Variants in INPP4B observed in about 807,000 individuals in gnomAD.
The protein encoded by INPP4B is inositol polyphosphate-4-phosphatase type II B.
INPP4B carries 55 observed loss-of-function variants against 122.5 expected under a neutral mutation model. The ratio of observed to expected loss-of-function variants is 0.45; its 90% CI spans 0.36 to 0.56. The LOEUF is 0.56. INPP4B is among the 20% of genes least tolerant of loss of function. INPP4B has a pLI of 0.00. For synonymous variants in INPP4B, 403 were observed against 388.7 expected (o/e 1.04, Z -0.43); for missense variants, 1,000 against 1,097.7 (o/e 0.91, Z 1.26).
chr4:142,604,021 A>G (rs1740663746), intron 2 of INPP4B, among the ~76,000 whole-genome samples: 1 of 152,126 alleles, frequency 6.6e-6, no homozygotes. Flanking sequence ...TCTAGAAGAT[A>G]ATACAACATG....
chr4:142,569,041 T>G (rs1732239927), intron 2 of INPP4B, among the ~76,000 whole-genome samples: 1 of 152,138 alleles, frequency 6.6e-6, no homozygotes, highest in Admixed American at 6.6e-5. Context: ...ATTAACAAAT[T>G]ACTTAAATAT....
chr4:142,086,956 A>G (rs336321), intron 23 of INPP4B, among the ~76,000 whole-genome samples: 97,974 of 152,040 alleles, frequency 0.64, 33,485 homozygotes, highest in Non-Finnish European at 0.76. Flanking sequence ...TATTAAATTG[A>G]ACAACTCAGG....
At chr4:142,334,372 T>C in intron 7 of INPP4B, among the ~76,000 whole-genome samples, 1 of 152,214 alleles carries the variant, frequency 6.6e-6, no homozygotes, top group East Asian at 1.9e-4. Context: ...ATTGTTTCCC[T>C]GTCTTGGGTT....
chr4:142,436,836 A>C (rs1810639135), intron 3 of INPP4B, among the ~76,000 whole-genome samples: 1 of 152,012 alleles, frequency 6.6e-6, no homozygotes, highest in Non-Finnish European at 1.5e-5. Flanking sequence ...GAAAACCCCA[A>C]AGGCCAGAGT....
At chr4:142,396,126 C>T (rs1012660570) in intron 7 of INPP4B, among the ~76,000 whole-genome samples, 1 of 151,876 alleles carries the variant, frequency 6.6e-6, no homozygotes, top group Admixed American at 6.6e-5. Context: ...TGGACTTAAT[C>T]AGAATTAAAA....
intron 2 of INPP4B, among the ~76,000 whole-genome samples, chr4:142,497,812 C>A (rs1327682427): frequency 6.6e-6 from 1 of 152,114 alleles, no homozygotes; most frequent in Non-Finnish European, 1.5e-5. Context: ...CTGCCACCTG[C>A]AAAATGCCAT....
At chr4:142,480,475 C>A (rs955785917) in intron 2 of INPP4B, among the ~76,000 whole-genome samples, 3 of 152,076 alleles carry the variant, frequency 2.0e-5, no homozygotes, top group Non-Finnish European at 2.9e-5. Context: ...ACTTTACAGG[C>A]CATGTCTGTA....
At chr4:142,600,488 G>A (rs1739672836) in intron 2 of INPP4B, among the ~76,000 whole-genome samples, 1 of 152,118 alleles carries the variant, frequency 6.6e-6, no homozygotes, top group African/African-American at 2.4e-5. Context: ...AAACTTGGAA[G>A]TTAAAGGATA....
chr4:142,601,635 C>G (rs1739949663), intron 2 of INPP4B, among the ~76,000 whole-genome samples: 1 of 148,802 alleles, frequency 6.7e-6, no homozygotes, highest in Non-Finnish European at 1.5e-5. Context: ...TAATGATGCA[C>G]CTCAAGGAAT....
chr4:142,239,507 A>C (rs1477166249), intron 11 of INPP4B, among the ~76,000 whole-genome samples: 1 of 152,168 alleles, frequency 6.6e-6, no homozygotes, highest in African/African-American at 2.4e-5. Flanking sequence ...TTTAGAGTTC[A>C]TTATCTTTAC....
chr4:142,774,388 G>T lies in INPP4B; in HGVS notation c.-253-48487C>A, dbSNP rs564381542. Among the ~76,000 whole-genome samples, 8 of 152,142 alleles carry T rather than the reference G, an allele frequency of 5.3e-5. No homozygotes were observed. The South Asian group carries it at 6.2e-4, about 12-fold the overall frequency. On this transcript the variant is annotated intron_variant, in intron 1 of 25. Coordinates refer to ENST00000262992, the MANE Select transcript of INPP4B (RefSeq NM_001101669.3). ...GGTAGTGCTGCAATCCTCTCCAAAGGCAGGTGAGTTATATTTGGACAGCTT... is the reference window on the plus strand; with the variant it reads ...GGTAGTGCTGCAATCCTCTCCAAAGTCAGGTGAGTTATATTTGGACAGCTT...
At chr4:142,405,118 TG>T (rs368527003) in intron 6 of INPP4B, 87 bp downstream of exon 6, 12 of 531,920 alleles carry the variant, frequency 2.3e-5, no homozygotes, top group East Asian at 6.4e-5. Flanking sequence ...GGGGCGGGGG[TG>T]GGGGGGAGGG....
At chr4:142,837,786 T>G (rs1036713167) in intron 1 of INPP4B, among the ~76,000 whole-genome samples, 1 of 152,082 alleles carries the variant, frequency 6.6e-6, no homozygotes, top group African/African-American at 2.4e-5. Flanking sequence ...TTTTAAAAGG[T>G]TCATACCCTT....
intron 7 of INPP4B, among the ~76,000 whole-genome samples, chr4:142,391,651 T>A (rs1033594779): frequency 3.9e-5 from 6 of 152,202 alleles, no homozygotes; most frequent in Non-Finnish European, 7.3e-5. Flanking sequence ...ATGGCCACCT[T>A]ATCTTTCTTG....
At chr4:142,311,062 A>G (rs1009043707) in intron 8 of INPP4B, among the ~76,000 whole-genome samples, 4 of 152,186 alleles carry the variant, frequency 2.6e-5, no homozygotes, top group Non-Finnish European at 5.9e-5. Flanking sequence ...AAAAAAAATT[A>G]GAGTACTTGA....
Position 142,028,854 on chromosome 4 carries a change from G to A in INPP4B, c.2703C>T (p.Asn901=). The part of the protein sequence containing the change: ...KNIKCRKYAF[N]MLQLMAFPKY... ...TGGGGAAAGCCATCAGCTGTAGCAT[G>A]TTGAAAGCATACTTTCTGCATTTGA... The change falls in exon 26 of 26, where the codon AAC becomes AAT. Residue 901 remains asparagine (N), a synonymous_variant. Transcript: ENST00000262992. 6.2e-7 allele frequency: 1 copy of A among 1,613,590 alleles called. No individual in the cohort carries two copies. Among genetic ancestry groups the A allele is most frequent in the Non-Finnish European group, 8.5e-7 (1 of 1,179,678 alleles).
At chr4:142,237,423 A>C (rs1579391737) in intron 12 of INPP4B, among the ~76,000 whole-genome samples, 1 of 152,180 alleles carries the variant, frequency 6.6e-6, no homozygotes, top group East Asian at 1.9e-4. Flanking sequence ...TAAATAAAAA[A>C]GCAGGTGAGG....
intron 3 of INPP4B, among the ~76,000 whole-genome samples, chr4:142,454,429 C>T (rs965174247): frequency 3.9e-5 from 6 of 152,078 alleles, no homozygotes; most frequent in African/African-American, 1.4e-4. Context: ...TGATTCTTTC[C>T]CACTTCATGA....
chr4:142,370,807 A>G (rs1789616722), intron 7 of INPP4B, among the ~76,000 whole-genome samples: 1 of 152,240 alleles, frequency 6.6e-6, no homozygotes, highest in Middle Eastern at 3.4e-3. Flanking sequence ...AAATGGAAAA[A>G]CAACCCATGC....
Sources: allele counts gnomAD v4.1 joint callset (sites outside exome capture counted in the v4.1 genomes callset), GRCh38; gene constraint gnomAD v4.1.1; transcripts MANE v1.5; gene names NCBI Gene and HGNC (gene_info 2026-07-23, HGNC 2026-07-21).